TSPAN5: variants seen among roughly 807,000 people sequenced by gnomAD.
TSPAN5 encodes tetraspanin 5, also known as tetraspanin-5.
TSPAN5 carries 10 observed loss-of-function variants against 37.1 expected under a neutral mutation model. The ratio of observed to expected loss-of-function variants is 0.27; its 90% CI spans 0.17 to 0.46. The LOEUF is 0.46. TSPAN5 is among the 20% of genes least tolerant of loss of function. The pLI is 1.00. For missense variants in TSPAN5, 195 were observed against 326.6 expected (o/e 0.60, Z 3.11); for synonymous variants, 110 against 118.9 (o/e 0.93, Z 0.48).
chr4:98,480,638 T>A (rs1752817616), intron 4 of TSPAN5, among the ~76,000 whole-genome samples: 1 of 152,196 alleles, frequency 6.6e-6, no homozygotes. Context: ...GTATTTCCGT[T>A]TAAAGCACAC....
chr4:98,591,764 T>C (rs1755638782), intron 1 of TSPAN5, among the ~76,000 whole-genome samples: 1 of 150,398 alleles, frequency 6.6e-6, no homozygotes, highest in Admixed American at 6.6e-5. Flanking sequence ...TGTGCTTACA[T>C]ATTTTGACAT....
intron 1 of TSPAN5, among the ~76,000 whole-genome samples, chr4:98,559,791 G>C (rs1465553352): frequency 6.6e-6 from 1 of 152,046 alleles, no homozygotes; most frequent in African/African-American, 2.4e-5. Context: ...TTTCACAATT[G>C]GTAGAAAGCA....
At chr4:98,582,992 G>C (rs1755403339) in intron 1 of TSPAN5, among the ~76,000 whole-genome samples, 1 of 152,196 alleles carries the variant, frequency 6.6e-6, no homozygotes, top group Non-Finnish European at 1.5e-5. Flanking sequence ...ACTGGAGGGA[G>C]GGAAGGCAGA....
chr4:98,572,815 T>C (rs1184582887), intron 1 of TSPAN5, among the ~76,000 whole-genome samples: 7 of 152,234 alleles, frequency 4.6e-5, no homozygotes, highest in Non-Finnish European at 1.0e-4. Context: ...GTAGCACCTC[T>C]TCCTCATTCA....
At chr4:98,549,292 G>GGTTTTTT (rs1560532920) in intron 1 of TSPAN5, among the ~76,000 whole-genome samples, 5 of 147,114 alleles carry the variant, frequency 3.4e-5, no homozygotes, top group African/African-American at 1.3e-4. Flanking sequence ...TTGTTTGTTT[G>GGTTTTTT]TTTGTTTTTG....
At chr4:98,563,394 G>C (rs75046819) in intron 1 of TSPAN5, among the ~76,000 whole-genome samples, 9 of 152,144 alleles carry the variant, frequency 5.9e-5, no homozygotes, top group Non-Finnish European at 7.4e-5. Context: ...TAAGCTTTCA[G>C]GGTCTTAACA....
rs1035062725 is a variant in TSPAN5, at chr4:98,562,284, G to A, written c.82-54556C>T. On this transcript the variant is annotated intron_variant, in intron 1 of 7. Coordinates refer to ENST00000305798, the MANE Select transcript of TSPAN5 (RefSeq NM_005723.4). The stretch of plus-strand genomic sequence containing the variant: ...GTGTGATACCTGGACAGGAAAAGCA[G>A]GTAGTAGATGACTGCAATGGCCCAG... 2.0e-5 allele frequency among the ~76,000 whole-genome samples: 3 copies of A among 152,320 alleles called. No individual in the cohort carries two copies. The South Asian group carries it at 6.2e-4, about 32-fold the overall frequency.
At chr4:98,627,276 A>C (rs1014967720) in intron 1 of TSPAN5, among the ~76,000 whole-genome samples, 1 of 152,206 alleles carries the variant, frequency 6.6e-6, no homozygotes, top group Non-Finnish European at 1.5e-5. Context: ...AGTGATCCTG[A>C]ACCGGATCCT....
At chr4:98,486,100 A>G (rs1351525982) in intron 3 of TSPAN5, among the ~76,000 whole-genome samples, 1 of 152,190 alleles carries the variant, frequency 6.6e-6, no homozygotes, top group Non-Finnish European at 1.5e-5. Context: ...ACGAGTCTCC[A>G]ACGCAAAGGC....
At chr4:98,628,445 G>A (rs1300200852) in intron 1 of TSPAN5, among the ~76,000 whole-genome samples, 2 of 152,124 alleles carry the variant, frequency 1.3e-5, no homozygotes, top group African/African-American at 2.4e-5. Context: ...GTAATGTGGG[G>A]TACACCACAC....
At chr4:98,512,265 G>C (rs1355099078) in intron 1 of TSPAN5, among the ~76,000 whole-genome samples, 1 of 151,992 alleles carries the variant, frequency 6.6e-6, no homozygotes, top group Non-Finnish European at 1.5e-5. Context: ...AGATCATAAA[G>C]GTGCCTGAGC....
intron 1 of TSPAN5, among the ~76,000 whole-genome samples, chr4:98,535,951 C>A (rs547380613): frequency 6.6e-6 from 1 of 152,216 alleles, no homozygotes; most frequent in African/African-American, 2.4e-5. Flanking sequence ...TTTCAAGGTT[C>A]TTAGCTTCCT....
intron 2 of TSPAN5, among the ~76,000 whole-genome samples, chr4:98,494,852 G>A (rs1753164148): frequency 6.6e-6 from 1 of 152,026 alleles, no homozygotes; most frequent in South Asian, 2.1e-4. Flanking sequence ...TCACTAACTT[G>A]TTAATAAGAT....
At chr4:98,635,814 C>G (rs28591094) in intron 1 of TSPAN5, among the ~76,000 whole-genome samples, 1 of 152,020 alleles carries the variant, frequency 6.6e-6, no homozygotes, top group Non-Finnish European at 1.5e-5. Context: ...TTTTTAGTAT[C>G]ATTATAGATT....
chr4:98,562,712 A>C (rs1346225470), intron 1 of TSPAN5, among the ~76,000 whole-genome samples: 3 of 152,140 alleles, frequency 2.0e-5, no homozygotes, highest in African/African-American at 4.8e-5. Context: ...AACAGGATTT[A>C]AGAACTATAC....
intron 1 of TSPAN5, among the ~76,000 whole-genome samples, chr4:98,550,329 T>C (rs893948737): frequency 2.6e-5 from 4 of 152,328 alleles, no homozygotes; most frequent in South Asian, 4.1e-4. Context: ...CGCCTCTAGA[T>C]TTTTTCTTTT....
chr4:98,514,147 G>A (rs1052492557), intron 1 of TSPAN5, among the ~76,000 whole-genome samples: 1 of 152,152 alleles, frequency 6.6e-6, no homozygotes, highest in Non-Finnish European at 1.5e-5. Context: ...ACATTCTGAT[G>A]AAGTCTTTAA....
In TSPAN5 at chr4:98,600,040, G is replaced by A. The variant is rs115007064; in HGVS notation, c.81+58106C>T. ...ACTAAGGCAAATATTGCAATAAAGC[G>A]AGTCACACAATTTTTTTCTCAGTAC... On this transcript the variant is annotated intron_variant, in intron 1 of 7. Coordinates refer to ENST00000305798, the MANE Select transcript of TSPAN5 (RefSeq NM_005723.4). Among the ~76,000 whole-genome samples, 938 of 152,168 alleles carry A rather than the reference G, an allele frequency of 6.2e-3. 6 individuals are homozygous for A. Among genetic ancestry groups the A allele is most frequent in the African/African-American group, 0.017 (693 of 41,504 alleles).
rs567491121 is a variant in TSPAN5 at position 98,536,436 on chromosome 4, T to C, written c.82-28708A>G. ...AGAGCTCTCCTGTATGAGGTGTCCG[T>C]CGGCCCCTACTGGGAGGTGTCTCCC... is the stretch of plus-strand genomic sequence containing the variant. On this transcript the variant is annotated intron_variant, in intron 1 of 7. Coordinates refer to ENST00000305798, the MANE Select transcript of TSPAN5 (RefSeq NM_005723.4). Among the ~76,000 whole-genome samples, 253 of 152,282 alleles carry C rather than the reference T, an allele frequency of 1.7e-3. 1 individual carries two copies. Among genetic ancestry groups the C allele is most frequent in the Non-Finnish European group, 3.0e-3 (203 of 68,008 alleles).
Sources: allele counts gnomAD v4.1 joint callset (sites outside exome capture counted in the v4.1 genomes callset), GRCh38; gene constraint gnomAD v4.1.1; transcripts MANE v1.5; gene names NCBI Gene and HGNC (gene_info 2026-07-23, HGNC 2026-07-21).